Variants in SPTBN4 observed in about 807,000 individuals in gnomAD.
SPTBN4 encodes the protein spectrin beta, non-erythrocytic 4, also known as spectrin beta chain, non-erythrocytic 4.
In SPTBN4, 96 loss-of-function variants were observed where a neutral mutation model predicts 277.8. The observed-to-expected ratio is 0.35, with a 90% CI of 0.29 to 0.41. The LOEUF (loss-of-function observed/expected upper bound fraction) is 0.41, where lower values mean the gene tolerates loss of function less well. Among genes scored for constraint, SPTBN4 ranks in the 10% least tolerant of loss-of-function variants. The pLI is 1.00. For synonymous variants in SPTBN4, 1,481 were observed against 1,580.3 expected (o/e 0.94, Z 1.49); for missense variants, 3,006 against 3,595.7 (o/e 0.84, Z 4.19).
In SPTBN4 at chr19:40,515,030, G is replaced by A. The variant is rs1250634425; in HGVS notation, c.2766-281G>A. Reference sequence around the variant, plus strand: ...TGAGACATGAGAATCGCTTGAATCCGGGAGGCAGAGGTTGCAGTGAGCCAC... The same window carrying A: ...TGAGACATGAGAATCGCTTGAATCCAGGAGGCAGAGGTTGCAGTGAGCCAC... On this transcript the variant is annotated intron_variant, in intron 14 of 35. Coordinates refer to ENST00000598249, the MANE Select transcript of SPTBN4 (RefSeq NM_020971.3). This position sits in a 1 kb window ranked among gnomAD's most constrained non-coding sequence, Gnocchi z 4.1. 1.6e-4 allele frequency among the ~76,000 whole-genome samples: 24 copies of A among 152,080 alleles called. No individual in the cohort carries two copies. The highest frequency in any genetic ancestry group is 3.8e-4 in the East Asian group (2 of 5,198).
intron 26 of SPTBN4, among the ~76,000 whole-genome samples, chr19:40,558,483 G>A (rs993807399): frequency 6.6e-6 from 1 of 152,220 alleles, no homozygotes; most frequent in Admixed American, 6.5e-5. Context: ...CAGAGGTTCT[G>A]GCCAGAATTC....
intron 4 of SPTBN4, among the ~76,000 whole-genome samples, chr19:40,492,040 AC>A (rs367952254): frequency 0.023 from 3,246 of 140,262 alleles, 125 homozygotes; most frequent in African/African-American, 0.089. Context: ...CAAAAACAAA[AC>A]AAAAAAAAAA....
intron 15 of SPTBN4, among the ~76,000 whole-genome samples, chr19:40,516,412 C>T (rs1414410721): frequency 6.6e-6 from 1 of 152,024 alleles, no homozygotes; most frequent in Non-Finnish European, 1.5e-5. Context: ...AAGCGATCCT[C>T]CCACCTCTGC....
chr19:40,539,979 G>A (rs569314819), intron 20 of SPTBN4, among the ~76,000 whole-genome samples: 21 of 150,860 alleles, frequency 1.4e-4, no homozygotes, highest in East Asian at 1.4e-3. Context: ...AGGCTGGAGC[G>A]CAGTGGCACA....
intron 27 of SPTBN4, among the ~76,000 whole-genome samples, chr19:40,562,873 A>T (rs1008475197): frequency 6.6e-6 from 1 of 151,936 alleles, no homozygotes; most frequent in Non-Finnish European, 1.5e-5. Context: ...AGTAAAGGTA[A>T]CCCACATGTG....
intron 20 of SPTBN4, among the ~76,000 whole-genome samples, chr19:40,547,034 AT>A (rs11347952): frequency 0.45 from 67,664 of 151,866 alleles, 15,941 homozygotes; most frequent in African/African-American, 0.52. Context: ...TTTTTTAATT[AT>A]TTTTTTAATT....
In SPTBN4 at chr19:40,490,284, A is replaced by G. The variant is rs769080753; in HGVS notation, c.495+36A>G. Reference sequence around the variant, plus strand: ...AGTGGCCCCTGCCAAGCCCCGCAACATGGGACTTAGGAAAGCGTTCCCCAC... The same window carrying G: ...AGTGGCCCCTGCCAAGCCCCGCAACGTGGGACTTAGGAAAGCGTTCCCCAC... On this transcript the variant is annotated intron_variant, in intron 4 of 35. Transcript: ENST00000598249. The surrounding 1 kb of genome is among the most constrained non-coding windows in gnomAD (Gnocchi z 4.3). 45 of 1,596,500 alleles carry G rather than the reference A, an allele frequency of 2.8e-5. No homozygotes were observed. In the South Asian group the frequency reaches 4.7e-4, roughly 17 times the overall value.
chr19:40,501,810 C>T, intron 7 of SPTBN4, 111 bp from the exon 8 acceptor site: 1 of 849,320 alleles, frequency 1.2e-6, no homozygotes. Flanking sequence ...AATTATCTTG[C>T]CCAAGGTCAC....
At chr19:40,508,439 C>T (rs2080354179) in intron 13 of SPTBN4, among the ~76,000 whole-genome samples, 1 of 152,186 alleles carries the variant, frequency 6.6e-6, no homozygotes, top group Non-Finnish European at 1.5e-5. Context: ...GTAATCCCAG[C>T]ACTTTGAGAG....
chr19:40,554,218 G>T lies in SPTBN4; in HGVS notation c.4746G>T (p.Ala1582=). 6.7e-7 allele frequency: 1 copy of T among 1,490,680 alleles called. No homozygotes were observed. Among genetic ancestry groups the T allele is most frequent in the African/African-American group, 1.5e-5 (1 of 68,652 alleles). The allele number at this position is 1,490,680 out of a possible 1,614,324, so 92.3% of individuals were successfully genotyped here. A position where few individuals can be genotyped will look rare whatever the true frequency, so the allele number is the denominator to read the frequency against. The change falls in exon 23 of 36, where the codon GCG becomes GCT. Residue 1582 remains alanine (A), a synonymous_variant. Coordinates refer to ENST00000598249, the MANE Select transcript of SPTBN4 (RefSeq NM_020971.3). This position sits in a 1 kb window ranked among gnomAD's most constrained non-coding sequence, Gnocchi z 5.7. ...EEVLERAGAL[A]SLRSPEAEAV... is the part of the protein sequence containing the mutation. ...TGCTGGAGCGCGCGGGCGCGCTGGCGTCGCTGCGCAGCCCGGAGGCAGAGG... is the reference window on the plus strand; with the variant it reads ...TGCTGGAGCGCGCGGGCGCGCTGGCTTCGCTGCGCAGCCCGGAGGCAGAGG...
Position 40,512,966 on chromosome 19 carries a change from T to G in SPTBN4, c.2177T>G (p.Val726Gly). Residue 726 changes from valine to glycine, a missense_variant, in exon 14 of 36, where the codon GTT becomes GGT. Physicochemically the swap from Val to Gly is moderately radical, Grantham distance 109. Coordinates refer to ENST00000598249, the MANE Select transcript of SPTBN4 (RefSeq NM_020971.3). ...GCCCTGCGGTGTGGCGAGGAGCTGG[T>G]TGCGGCCGGCGGTGCCGTCGGCCCG... ...QQALRCGEELVAAGGAVGPGA... is the reference protein window; with the variant it reads ...QQALRCGEELGAAGGAVGPGA... 1 of 1,412,456 alleles carries G rather than the reference T, an allele frequency of 7.1e-7. No homozygotes were observed. The highest frequency in any genetic ancestry group is 1.5e-5 in the African/African-American group (1 of 66,008). 87.5% of individuals were successfully genotyped at this position (1,412,456 alleles called of 1,614,324 possible).
chr19:40,531,796 G>A (rs2080678103), intron 18 of SPTBN4, among the ~76,000 whole-genome samples: 1 of 152,020 alleles, frequency 6.6e-6, no homozygotes, highest in South Asian at 2.1e-4. Context: ...CCGGGCTTGG[G>A]AGGTCCGATC....
chr19:40,536,909 G>A (rs7255932), intron 20 of SPTBN4, among the ~76,000 whole-genome samples: 6,057 of 151,802 alleles, frequency 0.04, 364 homozygotes, highest in African/African-American at 0.13. Context: ...CCTCAGTCCC[G>A]CAAGTAGCTG....
chr19:40,559,958 G>A (rs1306212473), intron 26 of SPTBN4, among the ~76,000 whole-genome samples: 1 of 152,240 alleles, frequency 6.6e-6, no homozygotes, highest in Admixed American at 6.5e-5. Flanking sequence ...GGTTGAAAGA[G>A]ATGTGGTAGT....
chr19:40,473,378 A>T (rs2079909730), intron 2 of SPTBN4, among the ~76,000 whole-genome samples: 1 of 50,028 alleles, frequency 2.0e-5, no homozygotes, highest in Admixed American at 1.9e-4. Flanking sequence ...TTTTTTTGAG[A>T]CGGAGTTTCG....
chr19:40,467,498 C>T (rs1037542537), intron 1 of SPTBN4, among the ~76,000 whole-genome samples, 193 bp downstream of exon 1: 2 of 152,122 alleles, frequency 1.3e-5, no homozygotes, highest in Non-Finnish European at 2.9e-5. Flanking sequence ...GGGTCTTACC[C>T]CCAGGCCTTG....
intron 1 of SPTBN4, among the ~76,000 whole-genome samples, chr19:40,467,654 C>G (rs79524476): frequency 0.19 from 27,756 of 149,516 alleles, 2,907 homozygotes; most frequent in Non-Finnish European, 0.23. Flanking sequence ...GGGAGGCTCG[C>G]AGGACACCCC....
In SPTBN4 at chr19:40,497,616, G is replaced by A. The variant is rs370297446; in HGVS notation, c.784+12G>A. On this transcript the variant is annotated intron_variant, in intron 7 of 35. Transcript: ENST00000598249. ...GCTGGATCCTGAAGGTGAGCCTCTC[G>A]CGGGCCCAGCCCAGACTTCGTCTTG... 69 of 1,610,070 alleles carry A rather than the reference G, an allele frequency of 4.3e-5. No individual in the cohort carries two copies. The African/African-American group carries it at 7.7e-4, about 18-fold the overall frequency.
intron 1 of SPTBN4, among the ~76,000 whole-genome samples, chr19:40,468,214 A>G (rs1359529552): frequency 6.6e-6 from 1 of 151,742 alleles, no homozygotes; most frequent in Non-Finnish European, 1.5e-5. Flanking sequence ...AGTAGCTGGG[A>G]TTACGGGCAT....
Sources: allele counts gnomAD v4.1 joint callset (sites outside exome capture counted in the v4.1 genomes callset), GRCh38; gene constraint gnomAD v4.1.1; non-coding constraint Gnocchi (gnomAD v3.1); transcripts MANE v1.5; gene names NCBI Gene and HGNC (gene_info 2026-07-23, HGNC 2026-07-21).